Variants in ZFYVE28 observed in about 807,000 individuals in gnomAD.
The protein encoded by ZFYVE28 is lateral signaling target protein 2 homolog.
A neutral mutation model predicts 82.1 loss-of-function variants in ZFYVE28; 40 were observed. The observed-to-expected ratio is 0.49, with a 90% CI of 0.38 to 0.63. The LOEUF (loss-of-function observed/expected upper bound fraction) is 0.63, where lower values mean the gene tolerates loss of function less well. Among genes scored for constraint, ZFYVE28 ranks in the 30% least tolerant of loss-of-function variants. The pLI, the probability that ZFYVE28 is intolerant of heterozygous loss-of-function variation, is 0.00. For missense variants in ZFYVE28, 1,321 were observed against 1,242.1 expected (o/e 1.06, Z -0.96); for synonymous variants, 612 against 546.1 (o/e 1.12, Z -1.68).
At chr4:2,353,319 C>G (rs1174849969) in intron 2 of ZFYVE28, among the ~76,000 whole-genome samples, 1 of 152,214 alleles carries the variant, frequency 6.6e-6, no homozygotes, top group Non-Finnish European at 1.5e-5. Flanking sequence ...GAGCATGTGT[C>G]AGGCCCCACC....
intron 7 of ZFYVE28, among the ~76,000 whole-genome samples, chr4:2,316,693 GTC>G (rs1230529714): frequency 7.7e-6 from 1 of 129,068 alleles, no homozygotes; most frequent in Non-Finnish European, 1.7e-5. Context: ...ATATTTTCTT[GTC>G]TCTCTTTTTT....
At chr4:2,280,344 AC>A (rs975061514) in intron 8 of ZFYVE28, among the ~76,000 whole-genome samples, 6 of 152,022 alleles carry the variant, frequency 3.9e-5, no homozygotes, top group African/African-American at 1.5e-4. Context: ...CTCTGTCTCT[AC>A]AAAAAATCCA....
chr4:2,329,104 T>C (rs996729311), intron 6 of ZFYVE28: 51 of 700,462 alleles, frequency 7.3e-5, no homozygotes, highest in Non-Finnish European at 1.2e-4. Context: ...TTAGGGCCCA[T>C]TGCAGTTCCA....
At chr4:2,398,100 C>G (rs940534797) in intron 1 of ZFYVE28, among the ~76,000 whole-genome samples, 2 of 152,130 alleles carry the variant, frequency 1.3e-5, no homozygotes, top group African/African-American at 4.8e-5. Flanking sequence ...ACAAGTGCAG[C>G]GTCAGGGCAG....
At chr4:2,308,631 A>AGAC (rs1716959510) in intron 7 of ZFYVE28, among the ~76,000 whole-genome samples, 4 of 97,470 alleles carry the variant, frequency 4.1e-5, no homozygotes, top group African/African-American at 1.6e-4. Context: ...AGAAGACAGA[A>AGAC]AGAAAGAAAG....
At chr4:2,355,242 A>AATGAT (rs1725102906) in intron 1 of ZFYVE28, among the ~76,000 whole-genome samples, 1 of 23,904 alleles carries the variant, frequency 4.2e-5, no homozygotes. Flanking sequence ...ATATATATAT[A>AATGAT]TATATATATA....
At chr4:2,364,952 T>C in intron 1 of ZFYVE28, 1 of 970,816 alleles carries the variant, frequency 1.0e-6, no homozygotes, top group South Asian at 4.8e-5. Flanking sequence ...CGGCGCAGCC[T>C]CAGCCACAGA....
chr4:2,320,091 G>A lies in ZFYVE28; in HGVS notation c.803+79C>T, dbSNP rs1009196155. The A allele has an allele frequency of 5.7e-5, 78 of 1,368,984 alleles. No individual in the cohort carries two copies. Among genetic ancestry groups the A allele is most frequent in the South Asian group, 5.3e-4 (44 of 82,294 alleles). The allele number at this position is 1,368,984 out of a possible 1,614,324, so 84.8% of individuals were successfully genotyped here. ...GAGAGGAGGAGGACCTGGAGGCGGC[G>A]GCTAAACATGACTTCAGCGCCCACC... is the stretch of plus-strand genomic sequence containing the variant. On this transcript the variant is annotated intron_variant, in intron 7 of 12. Coordinates refer to ENST00000290974, the MANE Select transcript of ZFYVE28 (RefSeq NM_020972.3). This position sits in a 1 kb window ranked among gnomAD's most constrained non-coding sequence, Gnocchi z 5.1.
Position 2,286,376 on chromosome 4 carries a change from T to TGGAC in ZFYVE28, c.2052-12164_2052-12161dup, listed in dbSNP as rs1712744645. The TGGAC allele has an allele frequency of 2.6e-5, 4 of 152,258 alleles. No homozygotes were observed. The South Asian group carries it at 6.2e-4, about 24-fold the overall frequency. The allele number at this position is 152,258 out of a possible 1,614,324, so 9.4% of individuals were successfully genotyped here. On this transcript the variant is annotated intron_variant, in intron 8 of 12. Coordinates refer to ENST00000290974, the MANE Select transcript of ZFYVE28 (RefSeq NM_020972.3). ...CGGGGGTGGGAGGGGGCATCAGGCG[T>TGGAC]GGACGGGGACGCTGCCTCCGAGGAT...
intron 1 of ZFYVE28, among the ~76,000 whole-genome samples, chr4:2,411,768 C>T (rs1276060083): frequency 6.6e-6 from 1 of 152,194 alleles, no homozygotes; most frequent in Non-Finnish European, 1.5e-5. Context: ...AGTGCCTTAA[C>T]GGATAGAAGC....
chr4:2,354,157 T>C (rs1724897576), intron 1 of ZFYVE28, 84 bp from the exon 2 acceptor site: 6 of 1,358,178 alleles, frequency 4.4e-6, no homozygotes, highest in East Asian at 3.0e-5. Context: ...CCAGGCCATG[T>C]GTGGGCTCAG....
At chr4:2,395,518 G>A (rs368826122) in intron 1 of ZFYVE28, among the ~76,000 whole-genome samples, 30 of 152,266 alleles carry the variant, frequency 2.0e-4, no homozygotes, top group African/African-American at 6.5e-4. Flanking sequence ...TGGGGACTCC[G>A]GCCCCTGCTC....
Position 2,416,130 on chromosome 4 carries a change from G to C in ZFYVE28, c.39+2155C>G, listed in dbSNP as rs1256801957. ...TGTGCCCTCTTGGTGCCCGCCGCCT[G>C]CCTGGAAAGGCAGCTGCCTGCTGAA... On this transcript the variant is annotated intron_variant, in intron 1 of 12. Coordinates refer to ENST00000290974, the MANE Select transcript of ZFYVE28 (RefSeq NM_020972.3). This position sits in a 1 kb window ranked among gnomAD's most constrained non-coding sequence, Gnocchi z 4.6. Among the ~76,000 whole-genome samples the C allele has an allele frequency of 1.3e-5, 2 of 152,248 alleles. No homozygotes were observed. Among genetic ancestry groups the C allele is most frequent in the Non-Finnish European group, 2.9e-5 (2 of 68,042 alleles).
In ZFYVE28 at chr4:2,362,196, A is replaced by T. The variant is rs1726257431; in HGVS notation, c.40-8123T>A. On this transcript the variant is annotated intron_variant, in intron 1 of 12. Coordinates refer to ENST00000290974, the MANE Select transcript of ZFYVE28 (RefSeq NM_020972.3). This position sits in a 1 kb window ranked among gnomAD's most constrained non-coding sequence, Gnocchi z 5.1. ...TCCAGGAGACAGTGGTCACATGCAG[A>T]CTTCAGCTGGACAGAGGCTGGAGCA... Among the ~76,000 whole-genome samples, 1 of 152,074 alleles carries T rather than the reference A, an allele frequency of 6.6e-6. No homozygotes were observed. Among genetic ancestry groups the T allele is most frequent in the African/African-American group, 2.4e-5 (1 of 41,370 alleles).
intron 1 of ZFYVE28, among the ~76,000 whole-genome samples, chr4:2,376,363 C>A (rs1392465968): frequency 2.9e-5 from 3 of 101,870 alleles, no homozygotes; most frequent in African/African-American, 1.1e-4. Context: ...ATAGTGAGAC[C>A]CTATCTCTAA....
chr4:2,361,772 C>A (rs1416014655), intron 1 of ZFYVE28, among the ~76,000 whole-genome samples: 1 of 152,172 alleles, frequency 6.6e-6, no homozygotes, highest in African/African-American at 2.4e-5. Context: ...GGGCCCAGGA[C>A]TGGATCCCTT....
Position 2,304,803 on chromosome 4 carries a change from G to C in ZFYVE28, c.1537C>G (p.Leu513Val). Residue 513 changes from leucine (L) to valine (V), a missense_variant, in exon 8 of 13, where the codon CTC becomes GTC. Physicochemically the swap from Leu to Val is conservative, Grantham distance 32 (BLOSUM62 1). Around this residue, in one of 2 missense-constraint regions of ZFYVE28, gnomAD observed 978 missense variants for 833.7 expected, o/e 1.17. Coordinates refer to ENST00000290974, the MANE Select transcript of ZFYVE28 (RefSeq NM_020972.3). The part of the protein sequence containing the change: ...MIAHRTGGMK[L>V]SATVIFNPKS... The stretch of plus-strand genomic sequence containing the variant: ...GGGTTGAAGATGACCGTGGCTGAGA[G>C]CTTCATGCCCCCTGTCCGGTGGGCG... 1.2e-6 allele frequency: 2 copies of C among 1,612,702 alleles called. No homozygotes were observed. The highest frequency in any genetic ancestry group is 1.7e-6 in the Non-Finnish European group (2 of 1,179,946).
chr4:2,390,767 C>T (rs1445116860), intron 1 of ZFYVE28, among the ~76,000 whole-genome samples: 10 of 152,204 alleles, frequency 6.6e-5, no homozygotes, highest in Admixed American at 1.3e-4. Context: ...CATTTTTAGA[C>T]GTTACTACCA....
rs78255000 is a variant in ZFYVE28, at chr4:2,372,975, C to A, written c.40-18902G>T. ...ACCAGAAGACCACCACGTCTCTGGG[C>A]AGACACTCGGGGTACCCTTACCCTA... On this transcript the variant is annotated intron_variant, in intron 1 of 12. Coordinates refer to ENST00000290974, the MANE Select transcript of ZFYVE28 (RefSeq NM_020972.3). The surrounding 1 kb of genome is among the most constrained non-coding windows in gnomAD (Gnocchi z 5.2). Among the ~76,000 whole-genome samples the A allele has an allele frequency of 2.6e-3, 389 of 152,260 alleles. 10 individuals carry two copies. The East Asian group carries it at 0.063, about 25-fold the overall frequency.
Sources: allele counts gnomAD v4.1 joint callset (sites outside exome capture counted in the v4.1 genomes callset), GRCh38; gene constraint gnomAD v4.1.1; regional missense constraint gnomAD v4.1.1; non-coding constraint Gnocchi (gnomAD v3.1); transcripts MANE v1.5; gene names NCBI Gene and HGNC (gene_info 2026-07-23, HGNC 2026-07-21).